MIB1: variants seen among roughly 807,000 people sequenced by gnomAD.
MIB1 encodes the protein E3 ubiquitin-protein ligase MIB1.
A neutral mutation model predicts 124.5 loss-of-function variants in MIB1; 278 were observed. The ratio of observed to expected loss-of-function variants is 2.23; its 90% CI spans 2.02 to 2.47. The LOEUF (loss-of-function observed/expected upper bound fraction) is 2.47. Ranked by LOEUF, MIB1 falls within the 30% of genes most tolerant of loss-of-function variation. The pLI is 0.00. For missense variants in MIB1, 957 were observed against 1,254.4 expected (o/e 0.76, Z 3.58); for synonymous variants, 446 against 429.4 (o/e 1.04, Z -0.48).
At chr18:21,781,476 C>T (rs185303936) in intron 6 of MIB1, among the ~76,000 whole-genome samples, 7 of 147,648 alleles carry the variant, frequency 4.7e-5, no homozygotes, top group East Asian at 4.0e-4. Flanking sequence ...TGGAGTGGCA[C>T]GATGTCAGCT....
chr18:21,773,584 C>T (rs1207474888), intron 3 of MIB1, 40 bp from the exon 4 acceptor site: 5 of 1,315,304 alleles, frequency 3.8e-6, no homozygotes, highest in Non-Finnish European at 4.3e-6. Flanking sequence ...CTCTTCCCTC[C>T]CCTTTAAAAA....
intron 15 of MIB1, 59 bp downstream of exon 15, chr18:21,844,312 T>G: frequency 6.6e-7 from 1 of 1,513,272 alleles, no homozygotes; most frequent in Non-Finnish European, 9.1e-7. Context: ...TGCAAGATCT[T>G]ATATTTACTG....
At chr18:21,751,442 G>A (rs2040974004) in intron 1 of MIB1, among the ~76,000 whole-genome samples, 1 of 151,928 alleles carries the variant, frequency 6.6e-6, no homozygotes, top group South Asian at 2.1e-4. Flanking sequence ...TGTATTTTTA[G>A]TAGAGATGGG....
intron 1 of MIB1, among the ~76,000 whole-genome samples, chr18:21,755,822 C>T (rs545076013): frequency 9.2e-5 from 14 of 152,182 alleles, no homozygotes; most frequent in African/African-American, 2.6e-4. Context: ...GGTTAGAATT[C>T]GTTTATATTC....
chr18:21,741,609 T>G lies in MIB1; in HGVS notation c.26T>G (p.Val9Gly). MSNSRNNR[V>G]MVEGVGARVV... ...ATGAGTAACTCCCGGAATAACCGGG[T>G]GATGGTGGAAGGGGTTGGCGCTCGG... is the stretch of plus-strand genomic sequence containing the variant. Residue 9 changes from valine to glycine, a missense_variant, in exon 1 of 21, where the codon GTG becomes GGG. Physicochemically the swap from Val to Gly is moderately radical, Grantham distance 109 (BLOSUM62 -3). Coordinates refer to ENST00000261537, the MANE Select transcript of MIB1 (RefSeq NM_020774.4). The surrounding 1 kb of genome is among the most constrained non-coding windows in gnomAD (Gnocchi z 5.4). The G allele has an allele frequency of 6.3e-7, 1 of 1,582,942 alleles. No individual in the cohort carries two copies. The highest frequency in any genetic ancestry group is 8.6e-7 in the Non-Finnish European group (1 of 1,167,390).
chr18:21,790,353 T>C (rs2041488084), intron 6 of MIB1, among the ~76,000 whole-genome samples: 2 of 152,224 alleles, frequency 1.3e-5, no homozygotes, highest in South Asian at 4.1e-4. Context: ...GCACTTTAAA[T>C]GCTAGTCAAT....
rs1373823634 is a variant in MIB1 at position 21,867,161 on chromosome 18, T to TA, written c.*2496dup. On this transcript the variant is annotated 3_prime_UTR_variant, in exon 21 of 21. Coordinates refer to ENST00000261537, the MANE Select transcript of MIB1 (RefSeq NM_020774.4). ...TATTTATTGGGCTTTAGGGATTAGA[T>TA]ACACAACAGTGGAAAAATGGCATCT... The TA allele has an allele frequency of 1.3e-5, 2 of 152,394 alleles. No individual in the cohort carries two copies. Among genetic ancestry groups the TA allele is most frequent in the Admixed American group, 1.3e-4 (2 of 15,278 alleles). 9.4% of individuals were successfully genotyped at this position (152,394 alleles called of 1,614,324 possible). A position where few individuals can be genotyped will look rare whatever the true frequency, so the allele number is the denominator to read the frequency against.
At chr18:21,828,870 C>CTTT in intron 12 of MIB1, 1 of 272,658 alleles carries the variant, frequency 3.7e-6, no homozygotes, top group South Asian at 3.6e-5. Context: ...AGTAGATAAC[C>CTTT]TTTTTTTTTT....
At chr18:21,770,934 A>G (rs1449342582) in intron 3 of MIB1, among the ~76,000 whole-genome samples, 3 of 152,166 alleles carry the variant, frequency 2.0e-5, no homozygotes, top group African/African-American at 7.2e-5. Context: ...TATTTCCTAT[A>G]AATTAGTTGT....
At chr18:21,720,478 T>C (rs2146357727) in intron 1 of MIB1, among the ~76,000 whole-genome samples, 1 of 151,522 alleles carries the variant, frequency 6.6e-6, no homozygotes, top group East Asian at 1.9e-4. Context: ...ATTAAATACA[T>C]TATTTTCAAA....
At chr18:21,744,886 C>T (rs1028482158) in intron 1 of MIB1, among the ~76,000 whole-genome samples, 1 of 152,156 alleles carries the variant, frequency 6.6e-6, no homozygotes, top group Non-Finnish European at 1.5e-5. Context: ...TAACTTGTAT[C>T]TTACATATTA....
At chr18:21,778,646 T>C (rs1237906046) in intron 5 of MIB1, among the ~76,000 whole-genome samples, 1 of 152,166 alleles carries the variant, frequency 6.6e-6, no homozygotes, top group African/African-American at 2.4e-5. Context: ...TTTGTAGATT[T>C]ATTGTTGCCT....
chr18:21,796,324 A>G (rs1380958211), intron 7 of MIB1, among the ~76,000 whole-genome samples: 1 of 151,960 alleles, frequency 6.6e-6, no homozygotes, highest in Non-Finnish European at 1.5e-5. Context: ...GTTCTCACTC[A>G]TAAGTGGGAG....
chr18:21,840,658 TA>T (rs2042078700), intron 13 of MIB1, among the ~76,000 whole-genome samples: 2 of 1,728 alleles, frequency 1.2e-3, no homozygotes, highest in African/African-American at 2.0e-3. Flanking sequence ...TATATATATA[TA>T]TATATATTTT....
intron 5 of MIB1, 25 bp from the exon 6 acceptor site, chr18:21,779,456 T>A (rs960209166): frequency 6.2e-7 from 1 of 1,603,842 alleles, no homozygotes; most frequent in Non-Finnish European, 8.5e-7. Context: ...TTTCTCCCTT[T>A]ATTCAATTGC....
chr18:21,826,564 T>C (rs2041926102), intron 12 of MIB1: 1 of 152,062 alleles, frequency 6.6e-6, no homozygotes, highest in Non-Finnish European at 1.5e-5. Flanking sequence ...TACATGGTGG[T>C]TAGTTACAAT....
At chr18:21,716,743 G>A (rs931345716) in intron 1 of MIB1, among the ~76,000 whole-genome samples, 3 of 152,070 alleles carry the variant, frequency 2.0e-5, no homozygotes, top group Admixed American at 6.6e-5. Context: ...TCCCAGCCAC[G>A]CAGGAGGCTG....
Position 21,864,636 on chromosome 18 carries a change from G to A in MIB1, c.2991G>A (p.Lys997=), listed in dbSNP as rs2042306683. Residue 997 remains lysine, a synonymous_variant, in exon 21 of 21, where the codon AAG becomes AAA. Coordinates refer to ENST00000261537, the MANE Select transcript of MIB1 (RefSeq NM_020774.4). ...TGAGTGAATGTCCTATCTGTCGCAA[G>A]GCTATTGAACGAAGGATTCTTTTGT... is the stretch of plus-strand genomic sequence containing the variant. ...DRMSECPICR[K]AIERRILLY The A allele has an allele frequency of 1.9e-6, 3 of 1,613,736 alleles. No individual in the cohort carries two copies. Among genetic ancestry groups the A allele is most frequent in the Non-Finnish European group, 1.7e-6 (2 of 1,179,728 alleles).
chr18:21,770,164 A>G (rs2041209078), intron 3 of MIB1, among the ~76,000 whole-genome samples: 4 of 152,238 alleles, frequency 2.6e-5, no homozygotes, highest in Non-Finnish European at 5.9e-5. Flanking sequence ...AGATTGTGCC[A>G]CTGCACTCCA....
Sources: allele counts gnomAD v4.1 joint callset (sites outside exome capture counted in the v4.1 genomes callset), GRCh38; gene constraint gnomAD v4.1.1; non-coding constraint Gnocchi (gnomAD v3.1); transcripts MANE v1.5; gene names NCBI Gene and HGNC (gene_info 2026-07-23, HGNC 2026-07-21).